The following RIC8B variants were observed in gnomAD, a reference collection of about 807,000 sequenced individuals.
RIC8B encodes chaperone Ric-8B.
In RIC8B, 16 loss-of-function variants were observed where a neutral mutation model predicts 57.5. The ratio of observed to expected loss-of-function variants is 0.28; its 90% CI spans 0.19 to 0.42. RIC8B has a LOEUF of 0.42. RIC8B is among the 10% of genes least tolerant of loss of function. The probability of loss-of-function intolerance (pLI) is 1.00; values close to 1 mark genes in which losing one functional copy is unlikely to be tolerated. For missense variants in RIC8B, 481 were observed against 677.0 expected (o/e 0.71, Z 3.21); for synonymous variants, 216 against 250.8 (o/e 0.86, Z 1.31).
chr12:106,799,843 C>G (rs1234345600), intron 2 of RIC8B, among the ~76,000 whole-genome samples: 1 of 152,048 alleles, frequency 6.6e-6, no homozygotes, highest in Non-Finnish European at 1.5e-5. Flanking sequence ...TCCCTCTTTC[C>G]CCTGTTCTCG....
chr12:106,839,492 G>C (rs1053904242), intron 4 of RIC8B, among the ~76,000 whole-genome samples: 5 of 152,186 alleles, frequency 3.3e-5, no homozygotes, highest in Non-Finnish European at 5.9e-5. Flanking sequence ...AAATAGTGAA[G>C]CTTGTAGAAC....
chr12:106,844,621 T>A (rs1406609878), intron 6 of RIC8B, among the ~76,000 whole-genome samples: 1 of 152,166 alleles, frequency 6.6e-6, no homozygotes, highest in African/African-American at 2.4e-5. Context: ...GATGTGACCT[T>A]ATTTATGCTT....
intron 9 of RIC8B, among the ~76,000 whole-genome samples, chr12:106,876,695 T>G (rs977460910): frequency 1.3e-5 from 2 of 152,146 alleles, no homozygotes; most frequent in African/African-American, 4.8e-5. Flanking sequence ...GTAGTGGGAC[T>G]AACTACTTTG....
At chr12:106,865,916 G>T (rs973592841) in intron 8 of RIC8B, among the ~76,000 whole-genome samples, 4 of 152,112 alleles carry the variant, frequency 2.6e-5, no homozygotes, top group Admixed American at 6.5e-5. Flanking sequence ...TGTTCCTTCT[G>T]CCTGGAATGC....
At chr12:106,789,929 C>CAAA (rs35721528) in intron 2 of RIC8B, among the ~76,000 whole-genome samples, 37 of 142,696 alleles carry the variant, frequency 2.6e-4, no homozygotes, top group South Asian at 1.5e-3. Context: ...CAGTGCCCTT[C>CAAA]AAAAAAAAAA....
At chr12:106,874,543 A>G in intron 9 of RIC8B, 2 of 1,551,220 alleles carry the variant, frequency 1.3e-6, no homozygotes, top group Non-Finnish European at 1.7e-6. Flanking sequence ...GTGCCAAAGC[A>G]CTTACCAAAG....
At chr12:106,836,915 T>A (rs900378383) in intron 4 of RIC8B, among the ~76,000 whole-genome samples, 1 of 152,228 alleles carries the variant, frequency 6.6e-6, no homozygotes, top group African/African-American at 2.4e-5. Flanking sequence ...ACTTCTTTAC[T>A]GTTCTTCAGA....
intron 3 of RIC8B, among the ~76,000 whole-genome samples, chr12:106,817,461 G>A (rs1296068637): frequency 6.6e-6 from 1 of 152,126 alleles, no homozygotes. Context: ...AAGTTAAACA[G>A]TGTATGAAAG....
At position 106,785,184 on chromosome 12, in the gene RIC8B, C is replaced by A. The variant is rs368334045; in HGVS notation, c.132+1140C>A. On this transcript the variant is annotated intron_variant, in intron 2 of 9. Coordinates refer to ENST00000392837, the MANE Select transcript of RIC8B (RefSeq NM_001330145.2). Reference sequence around the variant, plus strand: ...TTTCGCAGCTTATTTCTTTTCTCTCCCTTGTATTTTGTGTTTTAGAAATAG... The same window carrying A: ...TTTCGCAGCTTATTTCTTTTCTCTCACTTGTATTTTGTGTTTTAGAAATAG... Among the ~76,000 whole-genome samples, 6 of 152,272 alleles carry A rather than the reference C, an allele frequency of 3.9e-5. No homozygotes were observed. The East Asian group carries it at 7.7e-4, about 20-fold the overall frequency.
intron 8 of RIC8B, among the ~76,000 whole-genome samples, chr12:106,863,824 A>G (rs1207707669): frequency 6.6e-6 from 1 of 152,118 alleles, no homozygotes; most frequent in Non-Finnish European, 1.5e-5. Flanking sequence ...AGTTTTCTAT[A>G]TCCTTTATGT....
intron 3 of RIC8B, among the ~76,000 whole-genome samples, chr12:106,823,877 G>A (rs757951477): frequency 7.2e-5 from 11 of 151,998 alleles, no homozygotes; most frequent in Non-Finnish European, 1.6e-4. Flanking sequence ...GTAGAGACGG[G>A]GTTTCACCAT....
In RIC8B at chr12:106,842,575, T is replaced by A. The variant is rs570933583; in HGVS notation, c.837-14T>A. On this transcript the variant is annotated splice_polypyrimidine_tract_variant and intron_variant, in intron 4 of 9. Transcript: ENST00000392837. ...ATCAAGTTAAAATATTGTATTTTTT[T>A]AATTGCTTTTCAGCAATGCAGTCAA... 2.7e-5 allele frequency: 43 copies of A among 1,586,162 alleles called. No homozygotes were observed. The South Asian group carries it at 4.0e-4, about 15-fold the overall frequency.
chr12:106,787,567 A>C (rs576798990), intron 2 of RIC8B, among the ~76,000 whole-genome samples: 15 of 152,254 alleles, frequency 9.9e-5, no homozygotes, highest in Non-Finnish European at 1.9e-4. Flanking sequence ...GTTTAATTGG[A>C]CTTAGAATTG....
intron 7 of RIC8B, among the ~76,000 whole-genome samples, chr12:106,857,274 T>TA (rs921174638): frequency 1.3e-5 from 2 of 152,180 alleles, no homozygotes; most frequent in African/African-American, 2.4e-5. Flanking sequence ...TTCTAAAAGT[T>TA]ACAGCATTTG....
rs1324452513 is a variant in RIC8B, at chr12:106,888,773, CCT to C, written c.*2763_*2764del. ...GCCAGGGACCAAGGCTGCAGGCTGG[CCT>C]CTCTGCCCACAACTCTCCTGACCTT... On this transcript the variant is annotated 3_prime_UTR_variant, in exon 10 of 10. Coordinates refer to ENST00000392837, the MANE Select transcript of RIC8B (RefSeq NM_001330145.2). The C allele has an allele frequency of 2.0e-5, 3 of 152,438 alleles. No individual in the cohort carries two copies. The highest frequency in any genetic ancestry group is 6.5e-5 in the Admixed American group (1 of 15,272). The allele number at this position is 152,438 out of a possible 1,614,324, so 9.4% of individuals were successfully genotyped here.
intron 7 of RIC8B, among the ~76,000 whole-genome samples, chr12:106,857,440 C>T (rs2136501374): frequency 6.6e-6 from 1 of 152,242 alleles, no homozygotes; most frequent in South Asian, 2.1e-4. Flanking sequence ...TATGTTATTA[C>T]CAGTGCAGTT....
rs867998498 is a variant in RIC8B at position 106,886,464 on chromosome 12, A to C, written c.*449A>C. 6.4e-6 allele frequency: 1 copy of C among 155,694 alleles called. No individual in the cohort carries two copies. Among genetic ancestry groups the C allele is most frequent in the African/African-American group, 2.4e-5 (1 of 41,512 alleles). 9.6% of individuals were successfully genotyped at this position (155,694 alleles called of 1,614,324 possible). A position where few individuals can be genotyped will look rare whatever the true frequency, so the allele number is the denominator to read the frequency against. On this transcript the variant is annotated 3_prime_UTR_variant, in exon 10 of 10. Coordinates refer to ENST00000392837, the MANE Select transcript of RIC8B (RefSeq NM_001330145.2). ...TAAAGCCTTGGGCAAGCGACTTCTTAGATCAGAACTCACCAAATGGAAGCC... is the reference window on the plus strand; with the variant it reads ...TAAAGCCTTGGGCAAGCGACTTCTTCGATCAGAACTCACCAAATGGAAGCC...
chr12:106,813,216 G>T (rs2045417233), intron 2 of RIC8B, among the ~76,000 whole-genome samples: 1 of 114,840 alleles, frequency 8.7e-6, no homozygotes. Context: ...TTTTGAGACA[G>T]AGTCTCGCTC....
At position 106,807,160 on chromosome 12, in the gene RIC8B, T is replaced by C. The variant is rs1349164166; in HGVS notation, c.133-7536T>C. Among the ~76,000 whole-genome samples the C allele has an allele frequency of 1.8e-4, 27 of 152,242 alleles. 1 individual carries two copies. The highest frequency in any genetic ancestry group is 1.2e-3 in the Admixed American group (19 of 15,284). On this transcript the variant is annotated intron_variant, in intron 2 of 9. Coordinates refer to ENST00000392837, the MANE Select transcript of RIC8B (RefSeq NM_001330145.2). ...ACCACTCTAGTTGAAACTATGTTTG[T>C]TCCAGTCCAACCCATTTTGATTCTG...
Sources: gnomAD v4.1 joint callset for allele counts (sites outside exome capture counted in the v4.1 genomes callset) on GRCh38, gnomAD v4.1.1 for gene constraint, MANE v1.5 for transcripts, NCBI Gene and HGNC (gene_info 2026-07-23, HGNC 2026-07-21) for gene names.